CNTN5: variants seen among roughly 807,000 people sequenced by gnomAD.
CNTN5 encodes the protein contactin 5.
CNTN5 carries 77 observed loss-of-function variants against 129.1 expected under a neutral mutation model. That is an observed-to-expected ratio of 0.60 (90% CI 0.50 to 0.72). The LOEUF (loss-of-function observed/expected upper bound fraction) is 0.72, where lower values mean the gene tolerates loss of function less well. CNTN5 is among the 30% of genes least tolerant of loss of function. The pLI is 0.00. For synonymous variants in CNTN5, 509 were observed against 465.6 expected (o/e 1.09, Z -1.20); for missense variants, 1,478 against 1,328.8 (o/e 1.11, Z -1.75).
intron 8 of CNTN5, among the ~76,000 whole-genome samples, chr11:99,980,379 G>A (rs567639196): frequency 2.0e-5 from 3 of 152,304 alleles, no homozygotes; most frequent in Admixed American, 6.5e-5. Context: ...GTTGAGCTGA[G>A]ATAGGACAAT....
chr11:99,867,002 T>C (rs1246110490), intron 6 of CNTN5, among the ~76,000 whole-genome samples: 1 of 152,218 alleles, frequency 6.6e-6, no homozygotes, highest in Non-Finnish European at 1.5e-5. Flanking sequence ...CTATATAAGT[T>C]AATGCAGCTG....
intron 2 of CNTN5, among the ~76,000 whole-genome samples, chr11:99,463,260 A>C (rs1944795853): frequency 6.6e-6 from 1 of 150,778 alleles, no homozygotes; most frequent in Admixed American, 6.6e-5. Context: ...AACACGGTGA[A>C]ACCCCATCTC....
intron 5 of CNTN5, 54 bp downstream of exon 5, chr11:99,845,029 G>A: frequency 1.2e-6 from 2 of 1,608,824 alleles, no homozygotes; most frequent in Non-Finnish European, 1.7e-6. Flanking sequence ...TTCCATCAAT[G>A]ATATTCTGAC....
chr11:99,052,651 T>G (rs1864473946), intron 1 of CNTN5, among the ~76,000 whole-genome samples: 1 of 151,914 alleles, frequency 6.6e-6, no homozygotes, highest in Non-Finnish European at 1.5e-5. Context: ...GCTAATAAAT[T>G]GGGAACATTT....
chr11:99,964,195 A>G (rs1447915926), intron 8 of CNTN5, among the ~76,000 whole-genome samples: 2 of 152,034 alleles, frequency 1.3e-5, no homozygotes, highest in Non-Finnish European at 2.9e-5. Flanking sequence ...TTCCAACACT[A>G]TGTTGAATAG....
chr11:99,666,420 T>G (rs1952795710), intron 3 of CNTN5, among the ~76,000 whole-genome samples: 1 of 152,138 alleles, frequency 6.6e-6, no homozygotes, highest in Non-Finnish European at 1.5e-5. Flanking sequence ...GCAAAGAGAC[T>G]TTCTCCGAGG....
intron 4 of CNTN5, among the ~76,000 whole-genome samples, chr11:99,835,349 G>A (rs773057560): frequency 7.2e-5 from 11 of 152,218 alleles, no homozygotes; most frequent in Non-Finnish European, 1.2e-4. Flanking sequence ...GGGTTGGGAT[G>A]AGGGTTCCTA....
chr11:99,103,601 A>G (rs986635585), intron 1 of CNTN5, among the ~76,000 whole-genome samples: 2 of 152,134 alleles, frequency 1.3e-5, no homozygotes, highest in Non-Finnish European at 2.9e-5. Flanking sequence ...AGTGAGTTGA[A>G]TTGTGCCCTT....
At chr11:99,630,939 C>T (rs1352930948) in intron 3 of CNTN5, among the ~76,000 whole-genome samples, 1 of 152,168 alleles carries the variant, frequency 6.6e-6, no homozygotes, top group Non-Finnish European at 1.5e-5. Context: ...ACTCATCCCT[C>T]ATCCTCAGCA....
rs758434089 is a variant in CNTN5, at chr11:100,299,192, G to A, written c.2416G>A (p.Gly806Ser). ...PVSEEFQNGE[G>S]FGYIVAFRPN... is the part of the protein sequence containing the mutation. The stretch of plus-strand genomic sequence containing the variant: ...ATCTGAAGAGTTTCAGAATGGGGAA[G>A]GCTTCGGCTATATTGTGGCTTTCAG... Residue 806 changes from glycine to serine, a missense_variant, in exon 20 of 25, where the codon GGC becomes AGC. Coordinates refer to ENST00000524871, the MANE Select transcript of CNTN5 (RefSeq NM_014361.4). 8.7e-6 allele frequency: 14 copies of A among 1,607,608 alleles called. No individual in the cohort carries two copies. The highest frequency in any genetic ancestry group is 1.3e-5 in the African/African-American group (1 of 74,454).
At position 100,099,666 on chromosome 11, in the gene CNTN5, C is replaced by CT. The variant is rs903066043; in HGVS notation, c.1580+25382dup. On this transcript the variant is annotated intron_variant, in intron 13 of 24. Coordinates refer to ENST00000524871, the MANE Select transcript of CNTN5 (RefSeq NM_014361.4). ...CTTTCTCTTTCTAGAATGGTTTTTG[C>CT]TTTTTTTTTTCTATTAATATCATTC... Among the ~76,000 whole-genome samples, 213 of 148,124 alleles carry CT rather than the reference C, an allele frequency of 1.4e-3. 2 individuals carry two copies. The highest frequency in any genetic ancestry group is 2.0e-3 in the Non-Finnish European group (133 of 66,648).
chr11:99,594,607 A>G (rs1950071681), intron 3 of CNTN5, among the ~76,000 whole-genome samples: 1 of 152,154 alleles, frequency 6.6e-6, no homozygotes, highest in Non-Finnish European at 1.5e-5. Context: ...TTCTATCAAT[A>G]TGAGCTCTTA....
At chr11:100,208,659 C>A (rs1191015811) in intron 15 of CNTN5, among the ~76,000 whole-genome samples, 1 of 152,180 alleles carries the variant, frequency 6.6e-6, no homozygotes, top group East Asian at 1.9e-4. Context: ...TTGCAACCTA[C>A]CACCATCTGC....
chr11:99,325,604 A>G (rs972531213), intron 2 of CNTN5, 120 bp downstream of exon 2: 3 of 152,240 alleles, frequency 2.0e-5, no homozygotes, highest in Admixed American at 1.3e-4. Flanking sequence ...CTAAAGCTTA[A>G]TATGTTATTT....
At chr11:99,908,583 T>A (rs1490098304) in intron 6 of CNTN5, among the ~76,000 whole-genome samples, 1 of 152,068 alleles carries the variant, frequency 6.6e-6, no homozygotes, top group African/African-American at 2.4e-5. Flanking sequence ...TGTTAGAAAT[T>A]TTATCAAATG....
At chr11:99,351,195 G>A (rs574902925) in intron 2 of CNTN5, among the ~76,000 whole-genome samples, 1 of 152,286 alleles carries the variant, frequency 6.6e-6, no homozygotes, top group African/African-American at 2.4e-5. Flanking sequence ...TTAACTCCCT[G>A]TTATACTAGT....
In CNTN5 at chr11:99,392,889, A is replaced by G. The variant is rs1941334726; in HGVS notation, c.-71+67405A>G. 2.0e-5 allele frequency among the ~76,000 whole-genome samples: 3 copies of G among 151,946 alleles called. 1 individual carries two copies. The highest frequency in any genetic ancestry group is 4.4e-5 in the Non-Finnish European group (3 of 67,862). Reference sequence around the variant, plus strand: ...AGGACATGCCTAAACATTTCAAAGTAGAAATAGCATAGTTATATTCAATTC... The same window carrying G: ...AGGACATGCCTAAACATTTCAAAGTGGAAATAGCATAGTTATATTCAATTC... On this transcript the variant is annotated intron_variant, in intron 2 of 24. Coordinates refer to ENST00000524871, the MANE Select transcript of CNTN5 (RefSeq NM_014361.4).
At chr11:99,804,835 T>C (rs1449816657) in intron 3 of CNTN5, among the ~76,000 whole-genome samples, 3 of 149,952 alleles carry the variant, frequency 2.0e-5, no homozygotes, top group Non-Finnish European at 4.4e-5. Context: ...TTTATATGTA[T>C]ATACATATAA....
chr11:99,855,784 A>G (rs1464465208), intron 6 of CNTN5, among the ~76,000 whole-genome samples: 1 of 152,178 alleles, frequency 6.6e-6, no homozygotes, highest in African/African-American at 2.4e-5. Flanking sequence ...GCACTCTCAC[A>G]TCTTGACCTA....
Sources: allele counts gnomAD v4.1 joint callset (sites outside exome capture counted in the v4.1 genomes callset), GRCh38; gene constraint gnomAD v4.1.1; transcripts MANE v1.5; gene names NCBI Gene and HGNC (gene_info 2026-07-23, HGNC 2026-07-21).